The following LDLRAD4 variants were observed in gnomAD, a reference collection of about 807,000 sequenced individuals.
LDLRAD4 encodes the protein low density lipoprotein receptor class A domain containing 4.
Under a neutral mutation model 17.0 loss-of-function variants are expected in LDLRAD4, and 5 were observed. The ratio of observed to expected loss-of-function variants is 0.29; its 90% confidence interval spans 0.15 to 0.62. The LOEUF (loss-of-function observed/expected upper bound fraction) is 0.62, where lower values mean the gene tolerates loss of function less well. Among genes scored for constraint, LDLRAD4 ranks in the 20% least tolerant of loss-of-function variants. The probability of loss-of-function intolerance (pLI) is 0.84; values close to 1 mark genes in which losing one functional copy is unlikely to be tolerated. For missense variants in LDLRAD4, 340 were observed against 424.7 expected (o/e 0.80, Z 1.75); for synonymous variants, 168 against 171.8 (o/e 0.98, Z 0.17).
At chr18:13,550,566 G>A (rs55687692) in intron 3 of LDLRAD4, among the ~76,000 whole-genome samples, 5,543 of 152,298 alleles carry the variant, frequency 0.036, 135 homozygotes, top group African/African-American at 0.065. Flanking sequence ...GGACGGCCAG[G>A]AGGAAGGCTC....
intron 3 of LDLRAD4, among the ~76,000 whole-genome samples, chr18:13,532,765 A>G (rs2094147341): frequency 6.6e-6 from 1 of 152,192 alleles, no homozygotes; most frequent in Non-Finnish European, 1.5e-5. Context: ...CGCTTGTGAA[A>G]TAGTTTGCAG....
At chr18:13,366,339 C>T (rs1035586385) in intron 1 of LDLRAD4, 1 of 152,028 alleles carries the variant, frequency 6.6e-6, no homozygotes, top group South Asian at 2.1e-4. Flanking sequence ...AGGAAGAGAC[C>T]CTGGTTGCTT....
chr18:13,578,155 CAT>C (rs1568362549), intron 3 of LDLRAD4, among the ~76,000 whole-genome samples: 1 of 152,196 alleles, frequency 6.6e-6, no homozygotes, highest in African/African-American at 2.4e-5. Context: ...TACCAAGTCT[CAT>C]GTGTAGTTAC....
chr18:13,349,796 C>T (rs185987701), intron 1 of LDLRAD4, among the ~76,000 whole-genome samples: 5 of 152,028 alleles, frequency 3.3e-5, no homozygotes, highest in East Asian at 1.9e-4. Context: ...CCCCCACCCC[C>T]CAACTGGCCC....
At chr18:13,503,384 C>G (rs749511313) in intron 3 of LDLRAD4, among the ~76,000 whole-genome samples, 5 of 152,220 alleles carry the variant, frequency 3.3e-5, no homozygotes, top group Non-Finnish European at 7.3e-5. Context: ...TCCCTGCCAC[C>G]AGGTGCTTGA....
At chr18:13,416,517 A>G (rs1214738463) in intron 2 of LDLRAD4, among the ~76,000 whole-genome samples, 2 of 152,162 alleles carry the variant, frequency 1.3e-5, no homozygotes, top group Non-Finnish European at 2.9e-5. Context: ...CACGGTGAAA[A>G]CAGGCTTCAG....
chr18:13,276,013 T>G (rs1033947615), upstream of LDLRAD4, among the ~76,000 whole-genome samples: 1 of 152,232 alleles, frequency 6.6e-6, no homozygotes, highest in Non-Finnish European at 1.5e-5. Context: ...TTATTTTATT[T>G]ATTTATTTAT....
intron 2 of LDLRAD4, among the ~76,000 whole-genome samples, chr18:13,427,970 C>T (rs1380000943): frequency 6.6e-6 from 1 of 152,154 alleles, no homozygotes; most frequent in East Asian, 1.9e-4. Flanking sequence ...GCTTTTACAT[C>T]TATTCATTGA....
chr18:13,320,886 C>T (rs2081179820), intron 1 of LDLRAD4, among the ~76,000 whole-genome samples: 1 of 152,178 alleles, frequency 6.6e-6, no homozygotes, highest in South Asian at 2.1e-4. Flanking sequence ...GTCATTCCCT[C>T]CCAGTGGGAC....
intron 3 of LDLRAD4, chr18:13,520,963 C>G (rs2093944454): frequency 6.6e-6 from 1 of 152,232 alleles, no homozygotes; most frequent in Admixed American, 6.5e-5. Flanking sequence ...CCCTCGGCAC[C>G]TCTTGGACAG....
chr18:13,528,022 T>C (rs2094061737), intron 3 of LDLRAD4, among the ~76,000 whole-genome samples: 1 of 152,198 alleles, frequency 6.6e-6, no homozygotes, highest in Non-Finnish European at 1.5e-5. Flanking sequence ...CCCTCCTGGC[T>C]TCCTAGTGAC....
chr18:13,277,007 G>A, upstream of LDLRAD4, among the ~76,000 whole-genome samples: 1 of 152,206 alleles, frequency 6.6e-6, no homozygotes, highest in East Asian at 1.9e-4. Context: ...GCAGTGGGTT[G>A]TTTTCATCTC....
chr18:13,228,558 C>T (rs751529564), intron 1 of LDLRAD4, among the ~76,000 whole-genome samples: 1 of 152,088 alleles, frequency 6.6e-6, no homozygotes, highest in Non-Finnish European at 1.5e-5. Flanking sequence ...GAGGAAATGT[C>T]GGCAGTTGGT....
chr18:13,366,080 A>T (rs1004635300), intron 1 of LDLRAD4: 2 of 151,196 alleles, frequency 1.3e-5, no homozygotes, highest in Non-Finnish European at 2.9e-5. Context: ...CCCTTATTTT[A>T]TTTTTTTTAA....
rs189374701 is a variant in LDLRAD4 at position 13,365,588 on chromosome 18, A to G, written c.-382-21753A>G. 3.2e-4 allele frequency among the ~76,000 whole-genome samples: 48 copies of G among 152,322 alleles called. No individual in the cohort carries two copies. In the East Asian group the frequency reaches 8.9e-3, roughly 28 times the overall value. ...CCTTTTCTGCCAACACACAGTTCTC[A>G]CACAGCATCTTGCTGTGGGCAAATG... On this transcript the variant is annotated intron_variant, in intron 1 of 5. Coordinates refer to ENST00000359446, the Ensembl canonical transcript of LDLRAD4.
Position 13,224,474 on chromosome 18 carries a change from C to CTTTTTTT in LDLRAD4, c.-467+5503_-467+5509dup, listed in dbSNP as rs10676168. On this transcript the variant is annotated intron_variant, in intron 1 of 5. Coordinates refer to the LDLRAD4 transcript ENST00000399848. ...AGCACTATAGTTTCTTTCTTTCTTT[C>CTTTTTTT]TTTTTTTTTTTTTTTTTTTTTTTGA... is the stretch of plus-strand genomic sequence containing the variant. Among the ~76,000 whole-genome samples, 151 of 87,868 alleles carry CTTTTTTT rather than the reference C, an allele frequency of 1.7e-3. 1 individual carries two copies. Among genetic ancestry groups the CTTTTTTT allele is most frequent in the Non-Finnish European group, 2.1e-3 (102 of 49,650 alleles). The allele number at this position is 87,868 out of a possible 152,430, so 57.6% of individuals were successfully genotyped here. A position where few individuals can be genotyped will look rare whatever the true frequency, so the allele number is the denominator to read the frequency against.
At chr18:13,252,921 T>C (rs77119465) in intron 1 of LDLRAD4, among the ~76,000 whole-genome samples, 1 of 152,222 alleles carries the variant, frequency 6.6e-6, no homozygotes, top group African/African-American at 2.4e-5. Flanking sequence ...CTTGTTGTTT[T>C]GCTGGTTTTC....
At chr18:13,481,427 C>G (rs2093080287) in intron 3 of LDLRAD4, among the ~76,000 whole-genome samples, 1 of 152,168 alleles carries the variant, frequency 6.6e-6, no homozygotes, top group Non-Finnish European at 1.5e-5. Context: ...TAGACGCTGA[C>G]TGTGGCTTGA....
intron 3 of LDLRAD4, among the ~76,000 whole-genome samples, chr18:13,600,071 C>T (rs1021358117): frequency 6.6e-6 from 1 of 152,176 alleles, no homozygotes; most frequent in African/African-American, 2.4e-5. Context: ...CTTGCCTTAG[C>T]CTCCCAGGTA....
Sources: gnomAD v4.1 joint callset for allele counts (sites outside exome capture counted in the v4.1 genomes callset) on GRCh38, gnomAD v4.1.1 for gene constraint, MANE v1.5 for transcripts, NCBI Gene and HGNC (gene_info 2026-07-23, HGNC 2026-07-21) for gene names.